The following PSG4 variants were observed in gnomAD, a reference collection of about 807,000 sequenced individuals.
PSG4 encodes pregnancy specific beta-1-glycoprotein 4.
PSG4 carries 61 observed loss-of-function variants against 44.3 expected under a neutral mutation model. The observed-to-expected ratio is 1.38, with a 90% CI of 1.12 to 1.70. PSG4 has a LOEUF of 1.70. PSG4 is among the 40% of genes most tolerant of loss of function. The pLI, the probability that PSG4 is intolerant of heterozygous loss-of-function variation, is 0.00. For missense variants in PSG4, 677 were observed against 511.7 expected (o/e 1.32, Z -3.12); for synonymous variants, 248 against 191.3 (o/e 1.30, Z -2.45).
At chr19:43,196,864 T>G (rs1179736402) in intron 3 of PSG4, 2 of 146,248 alleles carry the variant, frequency 1.4e-5, no homozygotes, top group African/African-American at 5.2e-5. Context: ...TTTATAATTC[T>G]GCAAAAAAAT....
rs934041302 is a variant in PSG4, at chr19:43,201,706, C to T, written c.430+2180G>A. On this transcript the variant is annotated intron_variant, in intron 2 of 5. Coordinates refer to ENST00000405312, the MANE Select transcript of PSG4 (RefSeq NM_002780.5). ...TGAAACTGTCCTTGAAAATCTCTAA[C>T]CCCTGCTCCACTGGGGAGGCTGATT... Among the ~76,000 whole-genome samples, 2 of 145,598 alleles carry T rather than the reference C, an allele frequency of 1.4e-5. 1 individual carries two copies. The highest frequency in any genetic ancestry group is 5.3e-5 in the African/African-American group (2 of 38,022).
chr19:43,194,062 A>G (rs1967120588), intron 5 of PSG4: 1 of 1,191,880 alleles, frequency 8.4e-7, no homozygotes, highest in Non-Finnish European at 1.1e-6. Context: ...TTTTCAAATA[A>G]AAATCATAAA....
Position 43,198,015 on chromosome 19 carries a change from C to A in PSG4, c.691G>T (p.Val231Phe), listed in dbSNP as rs775375742. 30 of 1,587,716 alleles carry A rather than the reference C, an allele frequency of 1.9e-5. 6 individuals are homozygous for A. Among genetic ancestry groups the A allele is most frequent in the Middle Eastern group, 1.7e-4 (1 of 5,986 alleles). The change falls in exon 3 of 6, where the codon GTC becomes TTC. Residue 231 changes from valine to phenylalanine, a missense_variant. Coordinates refer to ENST00000405312, the MANE Select transcript of PSG4 (RefSeq NM_002780.5). ...TACTCACGGAGGAGATTCAGGGTGACTGGGTCACTGCGGCTGGCACTCACT... is the reference window on the plus strand; with the variant it reads ...TACTCACGGAGGAGATTCAGGGTGAATGGGTCACTGCGGCTGGCACTCACT... ...NPVSASRSDP[V>F]TLNLLPKLSK...
intron 3 of PSG4, among the ~76,000 whole-genome samples, chr19:43,197,560 G>A (rs200027001): frequency 7.2e-6 from 1 of 138,132 alleles, no homozygotes; most frequent in Non-Finnish European, 1.5e-5. Context: ...ATGGTAATAG[G>A]TGTATGAGGA....
At position 43,193,884 on chromosome 19, in the gene PSG4, A is replaced by T. The variant is rs190071759; in HGVS notation, c.1243+456T>A. ...TGTGTATTACCATAAACATATCAAT[A>T]CTCATGAATAGTTGCCCAATTCTGG... On this transcript the variant is annotated intron_variant, in intron 5 of 5. Transcript: ENST00000405312. 728 of 676,734 alleles carry T rather than the reference A, an allele frequency of 1.1e-3. 27 individuals carry two copies. The African/African-American group carries it at 0.011, about 10-fold the overall frequency. 41.9% of individuals were successfully genotyped at this position (676,734 alleles called of 1,614,324 possible).
chr19:43,193,990 G>A (rs1967117281), intron 5 of PSG4: 3 of 851,030 alleles, frequency 3.5e-6, no homozygotes, highest in African/African-American at 1.7e-5. Flanking sequence ...ACAAGCTATA[G>A]ATAGATTAAA....
At chr19:43,193,758 C>A in intron 5 of PSG4, 2 of 532,296 alleles carry the variant, frequency 3.8e-6, no homozygotes, top group South Asian at 5.0e-5. Flanking sequence ...TATCTATATT[C>A]TTGAATATAA....
chr19:43,198,974 C>G (rs1325370696), intron 2 of PSG4: 1 of 146,614 alleles, frequency 6.8e-6, no homozygotes, highest in African/African-American at 2.6e-5. Context: ...GAGCTGATAG[C>G]TTTGGACCAA....
rs544869335 is a variant in PSG4 at position 43,200,510 on chromosome 19, G to C, written c.431-2235C>G. On this transcript the variant is annotated intron_variant, in intron 2 of 5. Coordinates refer to ENST00000405312, the MANE Select transcript of PSG4 (RefSeq NM_002780.5). Reference sequence around the variant, plus strand: ...GAAGTTTCTATTGACACATCCTCAAGCTGGGGGTTCCTTCCTCAGCTGTGT... The same window carrying C: ...GAAGTTTCTATTGACACATCCTCAACCTGGGGGTTCCTTCCTCAGCTGTGT... Among the ~76,000 whole-genome samples, 74 of 145,210 alleles carry C rather than the reference G, an allele frequency of 5.1e-4. 10 individuals carry two copies. Among genetic ancestry groups the C allele is most frequent in the African/African-American group, 1.8e-3 (68 of 37,850 alleles).
intron 3 of PSG4, chr19:43,196,712 T>G (rs1436812386): frequency 9.2e-5 from 14 of 151,646 alleles, no homozygotes; most frequent in Admixed American, 8.6e-4. Context: ...ATATATTTTT[T>G]AAAGCTTTGG....
In PSG4 at chr19:43,204,520, C is replaced by T. The variant is rs1249716024; in HGVS notation, c.65-269G>A. ...TCCTCTTCCCCAGGGGTCCGCACGGCCCCCTCCACACTGCCCTCAGGTCCT... is the reference window on the plus strand; with the variant it reads ...TCCTCTTCCCCAGGGGTCCGCACGGTCCCCTCCACACTGCCCTCAGGTCCT... On this transcript the variant is annotated intron_variant, in intron 1 of 5. Transcript: ENST00000405312. 3.4e-5 allele frequency: 15 copies of T among 440,712 alleles called. 1 individual carries two copies. The highest frequency in any genetic ancestry group is 5.3e-5 in the Non-Finnish European group (14 of 263,952). 27.3% of individuals were successfully genotyped at this position (440,712 alleles called of 1,614,324 possible). A position where few individuals can be genotyped will look rare whatever the true frequency, so the allele number is the denominator to read the frequency against.
At position 43,203,833 on chromosome 19, in the gene PSG4, AG is replaced by A. The variant is rs1200879476; in HGVS notation, c.430+52del. 43 of 1,564,374 alleles carry A rather than the reference AG, an allele frequency of 2.7e-5. 7 individuals carry two copies. In the African/African-American group the frequency reaches 5.8e-4, roughly 21 times the overall value. On this transcript the variant is annotated intron_variant, in intron 2 of 5. Transcript: ENST00000405312. ...AGGCCTGAGAATCCTGTGTGTGTGA[AG>A]TAGAAGTGACCCCTGTCCCCCAACA...
rs564248398 is a variant in PSG4, at chr19:43,196,023, C to T, written c.710-750G>A. Among the ~76,000 whole-genome samples the T allele has an allele frequency of 3.0e-4, 46 of 151,300 alleles. 2 individuals are homozygous for T. The highest frequency in any genetic ancestry group is 9.7e-4 in the African/African-American group (40 of 41,076). ...CCCTGTCCTGGGTTCTTTAAGTTTC[C>T]TCTCCTTCTGCAGAGGGCAGGTGAG... On this transcript the variant is annotated intron_variant, in intron 3 of 5. Coordinates refer to ENST00000405312, the MANE Select transcript of PSG4 (RefSeq NM_002780.5).
At position 43,203,968 on chromosome 19, in the gene PSG4, A is replaced by G. The variant is rs754232032; in HGVS notation, c.348T>C (p.Asp116=). The change falls in exon 2 of 6, where the codon GAT becomes GAC. Residue 116 remains aspartate, a synonymous_variant. Transcript: ENST00000405312. Reference sequence around the variant, plus strand: ...TGATGTGTAAGGTGTAGGATCCTGCATCCTCCTGCGTGACATTCTGGATCA... The same window carrying G: ...TGATGTGTAAGGTGTAGGATCCTGCGTCCTCCTGCGTGACATTCTGGATCA... The part of the protein sequence containing the change: ...SLLIQNVTQE[D]AGSYTLHIIK... 1.7e-5 allele frequency: 27 copies of G among 1,587,618 alleles called. 2 individuals carry two copies. The East Asian group carries it at 3.2e-4, about 19-fold the overall frequency.
chr19:43,194,029 A>G, intron 5 of PSG4: 4 of 1,026,690 alleles, frequency 3.9e-6, no homozygotes, highest in Non-Finnish European at 5.7e-6. Context: ...TCTAGAAAAC[A>G]AACCATTTAA....
chr19:43,204,676 C>T, intron 1 of PSG4: 1 of 225,088 alleles, frequency 4.4e-6, no homozygotes, highest in Non-Finnish European at 8.0e-6. Context: ...CATTCTAGAT[C>T]ACTTAGCATG....
chr19:43,197,242 G>T lies in PSG4; in HGVS notation c.709+755C>A, dbSNP rs551343178. Among the ~76,000 whole-genome samples, 7 of 145,302 alleles carry T rather than the reference G, an allele frequency of 4.8e-5. 3 individuals carry two copies. Among genetic ancestry groups the T allele is most frequent in the African/African-American group, 1.6e-4 (6 of 37,876 alleles). Reference sequence around the variant, plus strand: ...AACATATTCCCTGTGCTGGGTTTTTGATTTTCCCTCTCCCTTTGCAGAGGG... The same window carrying T: ...AACATATTCCCTGTGCTGGGTTTTTTATTTTCCCTCTCCCTTTGCAGAGGG... On this transcript the variant is annotated intron_variant, in intron 3 of 5. Transcript: ENST00000405312.
intron 1 of PSG4, chr19:43,204,814 C>T: frequency 2.8e-6 from 1 of 363,014 alleles, no homozygotes; most frequent in East Asian, 2.6e-4. Context: ...GGGTCTCCAC[C>T]CTCTGGATGT....
At position 43,204,246 on chromosome 19, in the gene PSG4, G is replaced by T. The variant is rs1967656127; in HGVS notation, c.70C>A (p.Leu24Ile). ...TWKGVLLTAS[L>I]LNFWNPPTTA... ...GTGGGCGGATTCCAGAAGTTTAAAAGTGATGCTAGGAGGTACAGAGAGCAT... is the reference window on the plus strand; with the variant it reads ...GTGGGCGGATTCCAGAAGTTTAAAATTGATGCTAGGAGGTACAGAGAGCAT... Residue 24 changes from leucine (L) to isoleucine (I), a missense_variant, in exon 2 of 6, where the codon CTT (leucine) becomes ATT (isoleucine). Transcript: ENST00000405312. 17 of 1,573,370 alleles carry T rather than the reference G, an allele frequency of 1.1e-5. 4 individuals carry two copies. The East Asian group carries it at 4.5e-4, about 42-fold the overall frequency.
Sources: allele counts gnomAD v4.1 joint callset (sites outside exome capture counted in the v4.1 genomes callset), GRCh38; gene constraint gnomAD v4.1.1; transcripts MANE v1.5; gene names NCBI Gene and HGNC (gene_info 2026-07-23, HGNC 2026-07-21).